The following SEPTIN5 variants were observed in gnomAD, a reference collection of about 807,000 sequenced individuals.
SEPTIN5 encodes the protein septin 5.
A neutral mutation model predicts 51.2 loss-of-function variants in SEPTIN5; 16 were observed. The observed-to-expected ratio is 0.31, with a 90% CI of 0.21 to 0.47. The LOEUF is 0.47. Among genes scored for constraint, SEPTIN5 ranks in the 20% least tolerant of loss-of-function variants. The pLI, the probability that SEPTIN5 is intolerant of heterozygous loss-of-function variation, is 0.99. For missense variants in SEPTIN5, 376 were observed against 500.3 expected, an observed-to-expected ratio of 0.75 and a Z score of 2.37; for synonymous variants, 208 against 191.2, an observed-to-expected ratio of 1.09 and a Z score of -0.72.
At position 19,714,939 on chromosome 22, in the gene SEPTIN5, C is replaced by A; in HGVS notation, c.54+148C>A. 9.2e-7 allele frequency: 1 copy of A among 1,084,338 alleles called. No individual in the cohort carries two copies. 67.2% of individuals were successfully genotyped at this position (1,084,338 alleles called of 1,614,324 possible). On this transcript the variant is annotated intron_variant, in intron 2 of 11. Coordinates refer to ENST00000455784, the MANE Select transcript of SEPTIN5 (RefSeq NM_002688.6). This position sits in a 1 kb window ranked among gnomAD's most constrained non-coding sequence, Gnocchi z 5.2. ...ATCACCGATTGTCAGCCGGGCAGTGCCGCCGCGCCTGGGGCTTCAGAGGAG... is the reference window on the plus strand; with the variant it reads ...ATCACCGATTGTCAGCCGGGCAGTGACGCCGCGCCTGGGGCTTCAGAGGAG...
intron 2 of SEPTIN5, among the ~76,000 whole-genome samples, chr22:19,716,731 C>T (rs1935916810): frequency 2.0e-5 from 3 of 152,306 alleles, no homozygotes; most frequent in South Asian, 2.1e-4. Context: ...TGTGCCTTAC[C>T]AATGGGGAAA....
Position 19,719,792 on chromosome 22 carries a change from G to A in SEPTIN5, c.152-14G>A. The A allele has an allele frequency of 6.2e-7, 1 of 1,612,712 alleles. No individual in the cohort carries two copies. Among genetic ancestry groups the A allele is most frequent in the Non-Finnish European group, 8.5e-7 (1 of 1,179,768 alleles). On this transcript the variant is annotated splice_polypyrimidine_tract_variant and intron_variant, in intron 3 of 11. Coordinates refer to ENST00000455784, the MANE Select transcript of SEPTIN5 (RefSeq NM_002688.6). ...CCAGACCTAACGCAGCTCCTTCTCTGTACCTGTGTGCAGGTGAGTCAGGCC... is the reference window on the plus strand; with the variant it reads ...CCAGACCTAACGCAGCTCCTTCTCTATACCTGTGTGCAGGTGAGTCAGGCC...
In SEPTIN5 at chr22:19,721,726, G is replaced by C; in HGVS notation, c.804G>C (p.Gly268=). The C allele has an allele frequency of 6.2e-7, 1 of 1,608,924 alleles. No individual in the cohort carries two copies. Among genetic ancestry groups the C allele is most frequent in the Middle Eastern group, 1.7e-4 (1 of 6,038 alleles). Residue 268 remains glycine, a synonymous_variant, in exon 9 of 12, where the codon GGG becomes GGC. Transcript: ENST00000455784. ...QRVRGRLYPW[G]IVEVENQAHC... ...TCCGGGGCCGACTGTACCCCTGGGGGATCGTGGAGGGTGAGTAGAGTCTTG... is the reference window on the plus strand; with the variant it reads ...TCCGGGGCCGACTGTACCCCTGGGGCATCGTGGAGGGTGAGTAGAGTCTTG...
rs1483988280 is a variant in SEPTIN5, at chr22:19,720,452, T to C, written c.495T>C (p.His165=). Residue 165 remains histidine, a splice_region_variant and synonymous_variant, in exon 6 of 12, where the codon CAT becomes CAC. Coordinates refer to ENST00000455784, the MANE Select transcript of SEPTIN5 (RefSeq NM_002688.6). ...TATACTTCATCTCCCCCTTCGGGCA[T>C]GGGTGTGTGGCTGTCCTGGGGCCAG... ...CCLYFISPFG[H]GLRPVDVGFM... is the part of the protein sequence containing the mutation. The C allele has an allele frequency of 1.2e-6, 2 of 1,613,644 alleles. No homozygotes were observed. The highest frequency in any genetic ancestry group is 1.7e-6 in the Non-Finnish European group (2 of 1,179,870).
Position 19,719,653 on chromosome 22 carries a change from C to T in SEPTIN5, c.106C>T (p.Arg36Cys), listed in dbSNP as rs770743466. The part of the protein sequence containing the change: ...GFATLPNQVH[R>C]KSVKKGFDFT... ...CGCCACACTGCCCAACCAGGTGCAC[C>T]GCAAGTCGGTGAAGAAAGGCTTTGA... The change falls in exon 3 of 12, where the codon CGC becomes TGC. Residue 36 changes from arginine to cysteine, a missense_variant. Physicochemically the swap from Arg to Cys is radical, Grantham distance 180. This residue lies in a region of SEPTIN5 where 287 missense variants were observed against 417.1 expected (regional missense o/e 0.69). Transcript: ENST00000455784. 1 of 1,613,024 alleles carries T rather than the reference C, an allele frequency of 6.2e-7. No homozygotes were observed. The highest frequency in any genetic ancestry group is 1.1e-5 in the South Asian group (1 of 91,070).
rs769569656 is a variant in SEPTIN5 at position 19,722,490 on chromosome 22, G to T, written c.*6G>T. The T allele has an allele frequency of 6.3e-7, 1 of 1,590,254 alleles. No individual in the cohort carries two copies. The highest frequency in any genetic ancestry group is 1.7e-5 in the Admixed American group (1 of 57,602). On this transcript the variant is annotated 3_prime_UTR_variant, in exon 12 of 12. Transcript: ENST00000455784. Reference sequence around the variant, plus strand: ...AGCAGATGCAGGACCAGTGACGCTCGCCGCGGACACACCGTCCGTCTCCGG... The same window carrying T: ...AGCAGATGCAGGACCAGTGACGCTCTCCGCGGACACACCGTCCGTCTCCGG...
In SEPTIN5 at chr22:19,722,959, C is replaced by T. The variant is rs1936079825; in HGVS notation, c.*475C>T. 2.3e-6 allele frequency: 1 copy of T among 441,662 alleles called. No homozygotes were observed. The highest frequency in any genetic ancestry group is 2.0e-5 in the African/African-American group (1 of 50,824). 27.4% of individuals were successfully genotyped at this position (441,662 alleles called of 1,614,324 possible). A position where few individuals can be genotyped will look rare whatever the true frequency, so the allele number is the denominator to read the frequency against. Reference sequence around the variant, plus strand: ...AGGCGGGCCGAGTCTTCCCTTATCCCCAGACGCCTAGCGGGCAGGGTTGGG... The same window carrying T: ...AGGCGGGCCGAGTCTTCCCTTATCCTCAGACGCCTAGCGGGCAGGGTTGGG... On this transcript the variant is annotated 3_prime_UTR_variant, in exon 12 of 12. Coordinates refer to ENST00000455784, the MANE Select transcript of SEPTIN5 (RefSeq NM_002688.6).
chr22:19,714,812 C>T lies in SEPTIN5; in HGVS notation c.54+21C>T, dbSNP rs764366773. 11 of 1,593,918 alleles carry T rather than the reference C, an allele frequency of 6.9e-6. No homozygotes were observed. The highest frequency in any genetic ancestry group is 9.4e-6 in the Non-Finnish European group (11 of 1,176,296). The stretch of plus-strand genomic sequence containing the variant: ...AGCAGGTACGTGCGCAGCGCCGCTC[C>T]CCCGCCGGGAGACCCGGCCGGCTGT... On this transcript the variant is annotated intron_variant, in intron 2 of 11. Coordinates refer to ENST00000455784, the MANE Select transcript of SEPTIN5 (RefSeq NM_002688.6). The surrounding 1 kb of genome is among the most constrained non-coding windows in gnomAD (Gnocchi z 5.2).
At chr22:19,715,126 G>A (rs1935895624) in intron 2 of SEPTIN5, among the ~76,000 whole-genome samples, 1 of 152,254 alleles carries the variant, frequency 6.6e-6, no homozygotes, top group South Asian at 2.1e-4. Flanking sequence ...GTGAGGCCAT[G>A]GTCGTGGCAG....
intron 6 of SEPTIN5, 43 bp downstream of exon 6, chr22:19,720,497 A>C: frequency 6.2e-7 from 1 of 1,613,312 alleles, no homozygotes; most frequent in Middle Eastern, 1.6e-4. Context: ...TGCAGCCCCT[A>C]CAATATGGCC....
chr22:19,721,022 C>T (rs1367748399), intron 8 of SEPTIN5, 153 bp downstream of exon 8: 16 of 696,832 alleles, frequency 2.3e-5, no homozygotes, highest in Non-Finnish European at 4.1e-5. Context: ...AGGACCTGTA[C>T]CCCCTTCATC....
At position 19,722,448 on chromosome 22, in the gene SEPTIN5, G is replaced by A; in HGVS notation, c.1074G>A (p.Met358Ile). ...CGCAGCTGAGGCGCATGCAGGAGAT[G>A]CTGCAGAGGATGAAGCAGCAGATGC... ...KDEELRRMQE[M>I]LQRMKQQMQD... is the part of the protein sequence containing the mutation. Residue 358 changes from methionine (M) to isoleucine (I), a missense_variant, in exon 12 of 12, where the codon ATG (methionine) becomes ATA (isoleucine). Met to Ile is a conservative substitution (Grantham distance 10). Transcript: ENST00000455784. The A allele has an allele frequency of 6.2e-7, 1 of 1,602,324 alleles. No individual in the cohort carries two copies.
At position 19,722,438 on chromosome 22, in the gene SEPTIN5, T is replaced by C; in HGVS notation, c.1064T>C (p.Met355Thr). 1 of 1,602,044 alleles carries C rather than the reference T, an allele frequency of 6.2e-7. No homozygotes were observed. Among genetic ancestry groups the C allele is most frequent in the Non-Finnish European group, 8.5e-7 (1 of 1,174,664 alleles). ...IRMKDEELRR[M>T]QEMLQRMKQQ... ...TGTCTCCGCCCGCAGCTGAGGCGCA[T>C]GCAGGAGATGCTGCAGAGGATGAAG... The change falls in exon 12 of 12, where the codon ATG becomes ACG. Residue 355 changes from methionine to threonine, a missense_variant. This residue lies in a region of SEPTIN5 where 89 missense variants were observed against 83.3 expected (regional missense o/e 1.07). Transcript: ENST00000455784.
At position 19,719,966 on chromosome 22, in the gene SEPTIN5, C is replaced by T. The variant is rs1002082708; in HGVS notation, c.238+74C>T. 7.5e-6 allele frequency: 12 copies of T among 1,602,206 alleles called. No individual in the cohort carries two copies. In the South Asian group the frequency reaches 1.3e-4, roughly 18 times the overall value. ...TGGGACCTCTCCAAGGACTCCCTTT[C>T]AGGTCCAGCTCCCACTGTTCTGTTC... On this transcript the variant is annotated intron_variant, in intron 4 of 11. Transcript: ENST00000455784.
intron 2 of SEPTIN5, among the ~76,000 whole-genome samples, chr22:19,715,732 G>A (rs1184818956): frequency 6.6e-6 from 1 of 152,134 alleles, no homozygotes; most frequent in Non-Finnish European, 1.5e-5. Context: ...GCAGGAGGGC[G>A]GGCAGGGGGG....
chr22:19,722,946 T>A lies in SEPTIN5; in HGVS notation c.*462T>A. 1 of 438,786 alleles carries A rather than the reference T, an allele frequency of 2.3e-6. No homozygotes were observed. The highest frequency in any genetic ancestry group is 2.1e-5 in the South Asian group (1 of 47,412). 27.2% of individuals were successfully genotyped at this position (438,786 alleles called of 1,614,324 possible). A position where few individuals can be genotyped will look rare whatever the true frequency, so the allele number is the denominator to read the frequency against. On this transcript the variant is annotated 3_prime_UTR_variant, in exon 12 of 12. Transcript: ENST00000455784. The stretch of plus-strand genomic sequence containing the variant: ...CCATTTTCTGTCGAGGCGGGCCGAG[T>A]CTTCCCTTATCCCCAGACGCCTAGC...
rs781361631 is a variant in SEPTIN5, at chr22:19,719,606, T to C, written c.59T>C (p.Ile20Thr). The change falls in exon 3 of 12, where the codon ATT becomes ACT. Residue 20 changes from isoleucine to threonine, a missense_variant. By Grantham distance (89) the Ile-to-Thr change is moderately conservative. Coordinates refer to ENST00000455784, the MANE Select transcript of SEPTIN5 (RefSeq NM_002688.6). Reference protein sequence around the residue: ...KLATPEDKQDIDKQYVGFATL... With the variant: ...KLATPEDKQDTDKQYVGFATL... ...CCTGTTCCATCCTGTCCCCAGGACA[T>C]TGACAAGCAGTACGTGGGCTTCGCC... 18 of 1,612,246 alleles carry C rather than the reference T, an allele frequency of 1.1e-5. No individual in the cohort carries two copies. Among genetic ancestry groups the C allele is most frequent in the Non-Finnish European group, 1.4e-5 (17 of 1,179,358 alleles).
intron 2 of SEPTIN5, chr22:19,718,565 C>T (rs765198908): frequency 8.5e-6 from 11 of 1,288,740 alleles, no homozygotes; most frequent in African/African-American, 1.5e-5. Context: ...GGTCGACGAT[C>T]CCCCGGGTAG....
intron 4 of SEPTIN5, 89 bp from the exon 5 acceptor site, chr22:19,720,026 C>T (rs1935994065): frequency 6.2e-7 from 1 of 1,605,376 alleles, no homozygotes; most frequent in South Asian, 1.1e-5. Flanking sequence ...AGGGCCAAGG[C>T]ACCAAGATGG....
Sources: allele counts gnomAD v4.1 joint callset (sites outside exome capture counted in the v4.1 genomes callset), GRCh38; gene constraint gnomAD v4.1.1; regional missense constraint gnomAD v4.1.1; non-coding constraint Gnocchi (gnomAD v3.1); transcripts MANE v1.5; gene names NCBI Gene and HGNC (gene_info 2026-07-23, HGNC 2026-07-21).